PSME4: variants seen among roughly 807,000 people sequenced by gnomAD.
The protein encoded by PSME4 is proteasome activator subunit 4.
Under a neutral mutation model 253.9 loss-of-function variants are expected in PSME4, and 89 were observed. The ratio of observed to expected loss-of-function variants is 0.35; its 90% CI spans 0.30 to 0.42. The LOEUF is 0.42. Ranked by LOEUF, PSME4 falls within the 10% of genes least tolerant of loss-of-function variation. PSME4 has a pLI of 1.00. For missense variants in PSME4, 2,014 were observed against 2,195.2 expected (o/e 0.92, Z 1.65); for synonymous variants, 851 against 759.2 (o/e 1.12, Z -1.99).
chr2:53,932,936 A>T (rs1188419885), intron 8 of PSME4, 176 bp from the exon 9 acceptor site: 4 of 552,042 alleles, frequency 7.2e-6, no homozygotes, highest in Non-Finnish European at 1.3e-5. Flanking sequence ...CTTCATGCAA[A>T]CCAACTCAAA....
intron 20 of PSME4, among the ~76,000 whole-genome samples, chr2:53,912,150 A>T (rs1667855074): frequency 1.3e-5 from 2 of 152,306 alleles, no homozygotes; most frequent in South Asian, 4.1e-4. Context: ...GGGTCTACTT[A>T]CACGCAGATT....
chr2:53,927,272 C>G, intron 12 of PSME4, 122 bp downstream of exon 12: 1 of 713,464 alleles, frequency 1.4e-6, no homozygotes, highest in Non-Finnish European at 2.4e-6. Flanking sequence ...CCATATGTAC[C>G]ATTCTAGTCA....
At chr2:53,907,707 C>T (rs1372171533) in intron 24 of PSME4, among the ~76,000 whole-genome samples, 3 of 152,202 alleles carry the variant, frequency 2.0e-5, no homozygotes, top group Non-Finnish European at 4.4e-5. Flanking sequence ...AGTTTACCCT[C>T]TACAGCCCCT....
Position 53,948,323 on chromosome 2 carries a change from C to T in PSME4, c.500+98G>A, listed in dbSNP as rs540010611. ...AGAAATAGGCACATTAAAATATCTG[C>T]TTGTTTCTTTCAAACAACTCAATAT... On this transcript the variant is annotated intron_variant, in intron 3 of 46. Transcript: ENST00000404125. 802 of 766,124 alleles carry T rather than the reference C, an allele frequency of 1.0e-3. 1 individual carries two copies. The highest frequency in any genetic ancestry group is 1.6e-3 in the Non-Finnish European group (719 of 441,750). The allele number at this position is 766,124 out of a possible 1,614,324, so 47.5% of individuals were successfully genotyped here.
chr2:53,934,486 C>A (rs1437780028), intron 8 of PSME4, 119 bp downstream of exon 8: 2 of 1,005,722 alleles, frequency 2.0e-6, no homozygotes, highest in Non-Finnish European at 2.9e-6. Flanking sequence ...CAGAAAATAT[C>A]CAAGAATCAA....
intron 20 of PSME4, among the ~76,000 whole-genome samples, chr2:53,912,099 A>G (rs1309517475): frequency 6.6e-6 from 1 of 152,218 alleles, no homozygotes; most frequent in Admixed American, 6.5e-5. Context: ...TACAGCTTCC[A>G]TATCTCCTAC....
Position 53,876,545 on chromosome 2 carries a change from C to T in PSME4, c.4816-790G>A, listed in dbSNP as rs143316825. Among the ~76,000 whole-genome samples, 532 of 151,570 alleles carry T rather than the reference C, an allele frequency of 3.5e-3. 1 individual carries two copies. Among genetic ancestry groups the T allele is most frequent in the African/African-American group, 0.012 (491 of 41,248 alleles). On this transcript the variant is annotated intron_variant, in intron 41 of 46. Coordinates refer to ENST00000404125, the MANE Select transcript of PSME4 (RefSeq NM_014614.3). ...AATCCATTATAAAAAGAGAGATTTGCGAAATGGTCATTCCTTCTTCATTAT... is the reference window on the plus strand; with the variant it reads ...AATCCATTATAAAAAGAGAGATTTGTGAAATGGTCATTCCTTCTTCATTAT...
At chr2:53,889,015 G>A (rs940667352) in intron 37 of PSME4, among the ~76,000 whole-genome samples, 25 of 151,934 alleles carry the variant, frequency 1.6e-4, no homozygotes, top group Admixed American at 7.2e-4. Context: ...ACAGGCATGC[G>A]CCACTATGCC....
At chr2:53,941,913 G>A (rs1256052430) in intron 3 of PSME4, among the ~76,000 whole-genome samples, 1 of 152,030 alleles carries the variant, frequency 6.6e-6, no homozygotes, top group Non-Finnish European at 1.5e-5. Context: ...TGTCATAAAC[G>A]ATTCTAGAAA....
At chr2:53,910,924 C>T (rs545466559) in intron 20 of PSME4, among the ~76,000 whole-genome samples, 76 of 152,192 alleles carry the variant, frequency 5.0e-4, no homozygotes, top group Non-Finnish European at 1.0e-3. Context: ...AAAAAAGGCA[C>T]AAATCAGGCA....
intron 41 of PSME4, among the ~76,000 whole-genome samples, chr2:53,881,201 C>A (rs1328330505): frequency 6.6e-6 from 1 of 152,062 alleles, no homozygotes; most frequent in Non-Finnish European, 1.5e-5. Context: ...ATATTTTTCT[C>A]CTGATTATTG....
At chr2:53,957,031 A>G (rs1026677277) in intron 1 of PSME4, among the ~76,000 whole-genome samples, 1 of 152,196 alleles carries the variant, frequency 6.6e-6, no homozygotes, top group Non-Finnish European at 1.5e-5. Flanking sequence ...CACAGGCCAC[A>G]TCTTTCAGGA....
At position 53,921,251 on chromosome 2, in the gene PSME4, T is replaced by C. The variant is rs1045251449; in HGVS notation, c.2047-147A>G. The C allele has an allele frequency of 5.7e-6, 7 of 1,235,378 alleles. No homozygotes were observed. In the African/African-American group the frequency reaches 6.1e-5, roughly 11 times the overall value. 76.5% of individuals were successfully genotyped at this position (1,235,378 alleles called of 1,614,324 possible). A position where few individuals can be genotyped will look rare whatever the true frequency, so the allele number is the denominator to read the frequency against. On this transcript the variant is annotated intron_variant, in intron 17 of 46. Transcript: ENST00000404125. ...TAGGATTGTCACTTTAACTGCATTC[T>C]AATAATTAATTGTTTTTTGAAATCA...
chr2:53,922,777 C>G (rs575242181), intron 16 of PSME4, among the ~76,000 whole-genome samples, 193 bp from the exon 17 acceptor site: 2 of 151,900 alleles, frequency 1.3e-5, no homozygotes, highest in East Asian at 3.9e-4. Flanking sequence ...AATAAACACA[C>G]CAACCAAGAC....
intron 43 of PSME4, among the ~76,000 whole-genome samples, chr2:53,873,772 A>ACTAGT (rs1679002071): frequency 6.6e-6 from 1 of 152,180 alleles, no homozygotes; most frequent in Admixed American, 6.5e-5. Flanking sequence ...AATCAGTAGG[A>ACTAGT]CTAGTGGGAC....
intron 1 of PSME4, among the ~76,000 whole-genome samples, chr2:53,969,882 A>G (rs1345432085): frequency 6.6e-6 from 1 of 152,066 alleles, no homozygotes; most frequent in Non-Finnish European, 1.5e-5. Context: ...ATGTCTCTCC[A>G]AAAGAAATGT....
Position 53,889,923 on chromosome 2 carries a change from G to A in PSME4, c.4296+181C>T, listed in dbSNP as rs148413014. ...GTATGAACAAACTTTCAAGATTCAA[G>A]AAGTGAGTTACCTCACTTAGAATAA... On this transcript the variant is annotated intron_variant, in intron 37 of 46. Coordinates refer to ENST00000404125, the MANE Select transcript of PSME4 (RefSeq NM_014614.3). Among the ~76,000 whole-genome samples the A allele has an allele frequency of 5.9e-5, 9 of 152,270 alleles. No individual in the cohort carries two copies. The East Asian group carries it at 1.5e-3, about 26-fold the overall frequency.
intron 1 of PSME4, among the ~76,000 whole-genome samples, chr2:53,965,935 GTACTGGGAT>G (rs1670712401): frequency 6.6e-6 from 1 of 152,104 alleles, no homozygotes. Flanking sequence ...GCCTCCCAAA[GTACTGGGAT>G]TACAGGCGTG....
At chr2:53,866,696 T>C in intron 45 of PSME4, 51 bp downstream of exon 45, 1 of 1,554,558 alleles carries the variant, frequency 6.4e-7, no homozygotes, top group Non-Finnish European at 8.8e-7. Context: ...TATGGTTTCT[T>C]AGAAAACATC....
Sources: allele counts gnomAD v4.1 joint callset (sites outside exome capture counted in the v4.1 genomes callset), GRCh38; gene constraint gnomAD v4.1.1; transcripts MANE v1.5; gene names NCBI Gene and HGNC (gene_info 2026-07-23, HGNC 2026-07-21).